MACROD2: variants seen among roughly 807,000 people sequenced by gnomAD.
The protein encoded by MACROD2 is mono-ADP ribosylhydrolase 2, also known as ADP-ribose glycohydrolase MACROD2.
A neutral mutation model predicts 70.4 loss-of-function variants in MACROD2; 36 were observed. That is an observed-to-expected ratio of 0.51 (90% CI 0.39 to 0.68). The LOEUF (loss-of-function observed/expected upper bound fraction) is 0.68. Among genes scored for constraint, MACROD2 ranks in the 30% least tolerant of loss-of-function variants. The pLI is 0.00. For missense variants in MACROD2, 496 were observed against 538.4 expected, an observed-to-expected ratio of 0.92 and a Z score of 0.78; for synonymous variants, 172 against 178.8, an observed-to-expected ratio of 0.96 and a Z score of 0.30.
intron 3 of MACROD2, among the ~76,000 whole-genome samples, chr20:14,291,867 C>A (rs2082389124): frequency 6.6e-6 from 1 of 151,764 alleles, no homozygotes; most frequent in African/African-American, 2.4e-5. Flanking sequence ...AGGTTGGATT[C>A]CCTAGAAATA....
At chr20:16,039,969 A>G (rs1255000512) in intron 15 of MACROD2, among the ~76,000 whole-genome samples, 2 of 151,802 alleles carry the variant, frequency 1.3e-5, no homozygotes, top group African/African-American at 4.8e-5. Flanking sequence ...GTGTCCCCCA[A>G]ATACCCACAT....
intron 13 of MACROD2, among the ~76,000 whole-genome samples, chr20:15,984,535 C>T (rs540398264): frequency 1.3e-5 from 2 of 151,928 alleles, no homozygotes. Context: ...CATGTCTTAA[C>T]TTTTTGACTT....
intron 5 of MACROD2, among the ~76,000 whole-genome samples, chr20:14,862,630 AATATATATATAAAT>A (rs1233782924): frequency 4.9e-4 from 5 of 10,208 alleles, no homozygotes; most frequent in South Asian, 2.7e-3. Flanking sequence ...TATATATATA[AATATATATATAAAT>A]ATATATATAT....
At chr20:15,878,736 A>G (rs746217155) in intron 9 of MACROD2, among the ~76,000 whole-genome samples, 8 of 152,252 alleles carry the variant, frequency 5.3e-5, no homozygotes, top group Non-Finnish European at 8.8e-5. Context: ...TAAAACAAAA[A>G]TCATTCACAT....
chr20:15,380,112 G>A (rs1487383646), intron 6 of MACROD2, among the ~76,000 whole-genome samples: 1 of 151,920 alleles, frequency 6.6e-6, no homozygotes, highest in African/African-American at 2.4e-5. Flanking sequence ...CATATCTTTA[G>A]AGAGATCTTC....
At chr20:15,047,143 A>G (rs781566371) in intron 5 of MACROD2, among the ~76,000 whole-genome samples, 5 of 152,226 alleles carry the variant, frequency 3.3e-5, no homozygotes, top group Admixed American at 3.3e-4. Context: ...ATGTTACATC[A>G]TCATTATTTA....
In MACROD2 at chr20:14,838,452, A is replaced by C. The variant is rs77506662; in HGVS notation, c.418+153493A>C. Among the ~76,000 whole-genome samples the C allele has an allele frequency of 6.0e-3, 917 of 152,164 alleles. 17 individuals are homozygous for C. Among genetic ancestry groups the C allele is most frequent in the African/African-American group, 0.021 (882 of 41,516 alleles). On this transcript the variant is annotated intron_variant, in intron 5 of 17. Transcript: ENST00000684519. ...TGGAATATCTTGTGTTAGTTGACTA[A>C]TTCTTGTCCTCATTATTAATGTTCT...
chr20:14,154,703 C>T (rs1311644063), intron 3 of MACROD2, among the ~76,000 whole-genome samples: 2 of 151,994 alleles, frequency 1.3e-5, no homozygotes, highest in African/African-American at 4.8e-5. Context: ...TGAGCCACCG[C>T]GCCCAGCCTA....
At chr20:14,768,614 C>T (rs559327859) in intron 5 of MACROD2, among the ~76,000 whole-genome samples, 13 of 152,018 alleles carry the variant, frequency 8.6e-5, no homozygotes, top group East Asian at 5.8e-4. Context: ...CCACTGTGCC[C>T]GACCTTTCCT....
chr20:14,930,022 C>T (rs1435139604), intron 5 of MACROD2, among the ~76,000 whole-genome samples: 1 of 151,858 alleles, frequency 6.6e-6, no homozygotes, highest in Admixed American at 6.6e-5. Flanking sequence ...ATTAGCCGGG[C>T]GTGGTGGCGG....
At chr20:14,840,235 G>C (rs780098000) in intron 5 of MACROD2, among the ~76,000 whole-genome samples, 1 of 151,914 alleles carries the variant, frequency 6.6e-6, no homozygotes, top group Non-Finnish European at 1.5e-5. Flanking sequence ...ACGGGGTTTC[G>C]CCATGTTGGC....
chr20:15,930,383 G>A (rs143074794), intron 10 of MACROD2, among the ~76,000 whole-genome samples: 38 of 152,266 alleles, frequency 2.5e-4, no homozygotes, highest in Non-Finnish European at 5.4e-4. Context: ...AAAGTTATAA[G>A]CCAGCCAAAA....
At chr20:15,046,460 C>T (rs779280520) in intron 5 of MACROD2, among the ~76,000 whole-genome samples, 8 of 152,202 alleles carry the variant, frequency 5.3e-5, no homozygotes, top group African/African-American at 4.8e-5. Flanking sequence ...ACCCTTTAGA[C>T]GGTCTGTTTC....
intron 5 of MACROD2, among the ~76,000 whole-genome samples, chr20:14,727,807 T>G (rs1277785210): frequency 2.6e-5 from 4 of 152,232 alleles, no homozygotes; most frequent in Non-Finnish European, 5.9e-5. Flanking sequence ...CTGGAAGCTC[T>G]TTCCAACTCT....
In MACROD2 at chr20:14,497,558, G is replaced by A. The variant is rs77351376; in HGVS notation, c.301+4050G>A. 2.0e-3 allele frequency among the ~76,000 whole-genome samples: 305 copies of A among 151,560 alleles called. 12 individuals are homozygous for A. Among genetic ancestry groups the A allele is most frequent in the African/African-American group, 6.9e-3 (284 of 40,972 alleles). ...ATAATATCTTTTGTTTTTCATTGAC[G>A]TAATAGTTAACACAAAACTAGAACC... On this transcript the variant is annotated intron_variant, in intron 4 of 17. Coordinates refer to ENST00000684519, the MANE Select transcript of MACROD2 (RefSeq NM_001351661.2).
intron 4 of MACROD2, among the ~76,000 whole-genome samples, chr20:14,623,443 A>G (rs1983949817): frequency 6.6e-6 from 1 of 152,178 alleles, no homozygotes; most frequent in Non-Finnish European, 1.5e-5. Flanking sequence ...ACACCCTGGC[A>G]AGGGCTTTGG....
intron 16 of MACROD2, among the ~76,000 whole-genome samples, chr20:16,043,720 G>A (rs962508903): frequency 1.2e-4 from 18 of 152,086 alleles, no homozygotes; most frequent in African/African-American, 4.1e-4. Flanking sequence ...TACAGCAGCC[G>A]TCGGCAAGTC....
chr20:15,037,031 T>C (rs571592746), intron 5 of MACROD2, among the ~76,000 whole-genome samples: 29 of 152,104 alleles, frequency 1.9e-4, no homozygotes, highest in Non-Finnish European at 3.5e-4. Context: ...AATTGGTCTT[T>C]TTATGAGACT....
At chr20:14,294,912 C>T (rs1170523113) in intron 3 of MACROD2, among the ~76,000 whole-genome samples, 3 of 151,420 alleles carry the variant, frequency 2.0e-5, no homozygotes, top group Admixed American at 6.6e-5. Context: ...TAACTGTAAA[C>T]TCAATAGTAG....
Sources: allele counts gnomAD v4.1 joint callset (sites outside exome capture counted in the v4.1 genomes callset), GRCh38; gene constraint gnomAD v4.1.1; transcripts MANE v1.5; gene names NCBI Gene and HGNC (gene_info 2026-07-23, HGNC 2026-07-21).